OPCML: variants seen among roughly 807,000 people sequenced by gnomAD.
OPCML encodes the protein opioid-binding protein/cell adhesion molecule.
In OPCML, 13 loss-of-function variants were observed where a neutral mutation model predicts 37.8. That is an observed-to-expected ratio of 0.34 (90% CI 0.22 to 0.55). The LOEUF (loss-of-function observed/expected upper bound fraction) is 0.55, where lower values mean the gene tolerates loss of function less well. Among genes scored for constraint, OPCML ranks in the 20% least tolerant of loss-of-function variants. The pLI is 0.91. For missense variants in OPCML, 341 were observed against 435.6 expected (o/e 0.78, Z 1.93); for synonymous variants, 176 against 168.8 (o/e 1.04, Z -0.33).
chr11:133,480,678 C>T (rs930835662), intron 1 of OPCML, among the ~76,000 whole-genome samples: 7 of 152,236 alleles, frequency 4.6e-5, no homozygotes, highest in Non-Finnish European at 1.0e-4. Flanking sequence ...AACACTATCT[C>T]CTTCCCCTGA....
chr11:133,364,459 A>T (rs1038399631), intron 1 of OPCML, among the ~76,000 whole-genome samples: 1 of 152,202 alleles, frequency 6.6e-6, no homozygotes, highest in Admixed American at 6.5e-5. Flanking sequence ...CCCTTAAAAG[A>T]CAGAAATTAA....
intron 1 of OPCML, among the ~76,000 whole-genome samples, chr11:133,399,086 C>G (rs781470602): frequency 2.4e-4 from 37 of 152,272 alleles, no homozygotes; most frequent in Middle Eastern, 6.8e-3. Flanking sequence ...TACTTGCTTC[C>G]CTTTCTTATC....
At chr11:132,432,617 G>T (rs946651228) in intron 7 of OPCML, among the ~76,000 whole-genome samples, 1 of 152,086 alleles carries the variant, frequency 6.6e-6, no homozygotes, top group Non-Finnish European at 1.5e-5. Context: ...TGACCAATAC[G>T]TCCTTTCCAT....
intron 3 of OPCML, among the ~76,000 whole-genome samples, chr11:132,655,406 G>A (rs545899436): frequency 2.0e-5 from 3 of 152,300 alleles, no homozygotes; most frequent in South Asian, 2.1e-4. Flanking sequence ...GCTCATCTCC[G>A]ATGACTGATC....
chr11:132,530,675 A>G (rs1297286727), intron 3 of OPCML, among the ~76,000 whole-genome samples: 1 of 150,498 alleles, frequency 6.6e-6, no homozygotes, highest in Non-Finnish European at 1.5e-5. Context: ...CATGGCACAC[A>G]CTCTACCAGG....
At chr11:133,485,821 C>T (rs1947514303) in intron 1 of OPCML, among the ~76,000 whole-genome samples, 1 of 152,172 alleles carries the variant, frequency 6.6e-6, no homozygotes, top group Admixed American at 6.5e-5. Flanking sequence ...TGCACATTCC[C>T]AGCTGAGGTT....
intron 1 of OPCML, among the ~76,000 whole-genome samples, chr11:133,474,601 C>A (rs371455632): frequency 6.6e-6 from 1 of 152,126 alleles, no homozygotes; most frequent in African/African-American, 2.4e-5. Flanking sequence ...AGCCCTGCTG[C>A]GGCTGGGGGT....
At chr11:133,293,778 C>T (rs149223884) in intron 1 of OPCML, among the ~76,000 whole-genome samples, 1 of 152,058 alleles carries the variant, frequency 6.6e-6, no homozygotes, top group East Asian at 1.9e-4. Context: ...ACAGTAAATC[C>T]ACTAGCACAC....
chr11:132,855,251 C>T (rs567989474), intron 2 of OPCML, among the ~76,000 whole-genome samples: 8 of 152,190 alleles, frequency 5.3e-5, no homozygotes, highest in African/African-American at 1.7e-4. Flanking sequence ...CACTCATGAC[C>T]CAGAGGTGGA....
rs1565660048 is a variant in OPCML at position 133,484,071 on chromosome 11, TAGATAGATA to T, written c.61+48184_61+48192del. ...ATAGATAGATAGATAGATAGATAGA[TAGATAGATA>T]GATTCATAGATGAATAGATAGATTA... On this transcript the variant is annotated intron_variant, in intron 1 of 7. Coordinates refer to ENST00000524381, the MANE Select transcript of OPCML (RefSeq NM_001012393.5). 2.3e-3 allele frequency among the ~76,000 whole-genome samples: 336 copies of T among 148,052 alleles called. 1 individual carries two copies. Among genetic ancestry groups the T allele is most frequent in the African/African-American group, 8.1e-3 (311 of 38,212 alleles).
intron 4 of OPCML, among the ~76,000 whole-genome samples, chr11:132,486,257 G>A (rs868253857): frequency 2.6e-5 from 4 of 152,120 alleles, no homozygotes; most frequent in Non-Finnish European, 4.4e-5. Context: ...GACAGCATAC[G>A]TGTCACCCAG....
intron 1 of OPCML, among the ~76,000 whole-genome samples, chr11:133,446,897 A>G (rs577527576): frequency 6.6e-6 from 1 of 152,344 alleles, no homozygotes; most frequent in South Asian, 2.1e-4. Flanking sequence ...TGAATAGTAC[A>G]TTGCATAGAT....
intron 3 of OPCML, among the ~76,000 whole-genome samples, chr11:132,590,266 C>A (rs1765902077): frequency 6.6e-6 from 1 of 152,110 alleles, no homozygotes; most frequent in Non-Finnish European, 1.5e-5. Context: ...CTGTAACCTA[C>A]TTCAAATATT....
chr11:133,071,537 A>G (rs1948534498), intron 1 of OPCML, among the ~76,000 whole-genome samples: 1 of 152,214 alleles, frequency 6.6e-6, no homozygotes, highest in African/African-American at 2.4e-5. Flanking sequence ...AGGAAAAATC[A>G]CTGGCCCAGG....
chr11:133,270,405 G>A (rs954160959), intron 1 of OPCML, among the ~76,000 whole-genome samples: 11 of 152,110 alleles, frequency 7.2e-5, no homozygotes, highest in African/African-American at 2.7e-4. Flanking sequence ...TGGAAAATGA[G>A]AAGGCTAGAC....
intron 2 of OPCML, among the ~76,000 whole-genome samples, chr11:132,662,050 C>T (rs1270232386): frequency 5.9e-5 from 9 of 152,244 alleles, no homozygotes; most frequent in East Asian, 3.9e-4. Context: ...GAATATGTAC[C>T]GTGGGGTTAA....
chr11:133,180,234 G>A (rs774052682), intron 1 of OPCML, among the ~76,000 whole-genome samples: 14 of 152,228 alleles, frequency 9.2e-5, no homozygotes, highest in African/African-American at 2.6e-4. Context: ...CCTTCCTGCC[G>A]TAGCGGACCC....
rs2095938624 is a variant in OPCML at position 132,416,380 on chromosome 11, T to G, written c.*3813A>C. On this transcript the variant is annotated 3_prime_UTR_variant, in exon 8 of 8. Transcript: ENST00000524381. ...CCAACCAGCACTTGAAAATTCAATG[T>G]ACAGCCACTCCTGATGCCGCCACAG... The G allele has an allele frequency of 6.6e-6, 1 of 152,226 alleles. No individual in the cohort carries two copies. Among genetic ancestry groups the G allele is most frequent in the African/African-American group, 2.4e-5 (1 of 41,452 alleles). 9.4% of individuals were successfully genotyped at this position (152,226 alleles called of 1,614,324 possible).
chr11:132,490,787 G>C (rs1183811393), intron 4 of OPCML, among the ~76,000 whole-genome samples: 1 of 150,796 alleles, frequency 6.6e-6, no homozygotes, highest in African/African-American at 2.4e-5. Flanking sequence ...CTCCAGCCTG[G>C]GTGACAGAGC....
Sources: allele counts gnomAD v4.1 joint callset (sites outside exome capture counted in the v4.1 genomes callset), GRCh38; gene constraint gnomAD v4.1.1; transcripts MANE v1.5; gene names NCBI Gene and HGNC (gene_info 2026-07-23, HGNC 2026-07-21).